LIPG: variants seen among roughly 807,000 people sequenced by gnomAD.
LIPG encodes the protein lipase G, endothelial type, also known as endothelial lipase.
LIPG carries 34 observed loss-of-function variants against 51.8 expected under a neutral mutation model. The ratio of observed to expected loss-of-function variants is 0.66; its 90% CI spans 0.50 to 0.87. The LOEUF is 0.87. Ranked by LOEUF, LIPG falls within the 40% of genes least tolerant of loss-of-function variation. The pLI is 0.00. For missense variants in LIPG, 580 were observed against 652.7 expected (o/e 0.89, Z 1.21); for synonymous variants, 246 against 246.1 (o/e 1.00, Z 0.00).
At chr18:49,562,552 T>C in intron 1 of LIPG, 147 bp downstream of exon 1, 1 of 769,752 alleles carries the variant, frequency 1.3e-6, no homozygotes, top group Non-Finnish European at 2.2e-6. Context: ...CACCTTGGAG[T>C]CCACCTGTCT....
At chr18:49,590,339 C>A in intron 9 of LIPG, 162 bp from the exon 10 acceptor site, 1 of 795,044 alleles carries the variant, frequency 1.3e-6, no homozygotes, top group Non-Finnish European at 2.1e-6. Flanking sequence ...AGGCAGCACT[C>A]GGGACCTTGT....
intron 5 of LIPG, among the ~76,000 whole-genome samples, chr18:49,579,016 G>A (rs1007737311): frequency 0.12 from 3 of 26 alleles, no homozygotes; most frequent in Non-Finnish European, 0.25. Context: ...GAGGGAGAGG[G>A]AGAGGGAGAG....
At chr18:49,573,784 C>T (rs749448710) in intron 4 of LIPG, among the ~76,000 whole-genome samples, 2 of 152,142 alleles carry the variant, frequency 1.3e-5, no homozygotes, top group African/African-American at 4.8e-5. Flanking sequence ...CTGGTGAACA[C>T]GGTCGTTAAC....
rs532454744 is a variant in LIPG at position 49,591,535 on chromosome 18, A to G, written c.*1013A>G. ...TTTAGAGAGATAGAAGTTATGACAT[A>G]TGTAATACACATCTGTGTACACAGA... On this transcript the variant is annotated 3_prime_UTR_variant, in exon 10 of 10. Coordinates refer to ENST00000261292, the MANE Select transcript of LIPG (RefSeq NM_006033.4). The G allele has an allele frequency of 6.6e-6, 1 of 152,268 alleles. No individual in the cohort carries two copies. Among genetic ancestry groups the G allele is most frequent in the African/African-American group, 2.4e-5 (1 of 41,526 alleles). The allele number at this position is 152,268 out of a possible 1,614,324, so 9.4% of individuals were successfully genotyped here.
At chr18:49,567,260 C>T (rs1011229955) in intron 2 of LIPG, among the ~76,000 whole-genome samples, 182 bp from the exon 3 acceptor site, 1 of 151,418 alleles carries the variant, frequency 6.6e-6, no homozygotes, top group Non-Finnish European at 1.5e-5. Context: ...CACCTCAGCT[C>T]AGGAGTTGGA....
At chr18:49,565,628 T>C (rs1230023215) in intron 2 of LIPG, 130 bp downstream of exon 2, 1 of 1,021,988 alleles carries the variant, frequency 9.8e-7, no homozygotes, top group Non-Finnish European at 1.5e-6. Flanking sequence ...GCTGCTTGTA[T>C]TTCAGACAGC....
chr18:49,586,305 G>A (rs2084879252), intron 8 of LIPG, among the ~76,000 whole-genome samples: 1 of 152,164 alleles, frequency 6.6e-6, no homozygotes, highest in South Asian at 2.1e-4. Context: ...TTCACATAGG[G>A]CATAATGTTT....
At chr18:49,586,875 C>T (rs1404121919) in intron 9 of LIPG, 25 bp downstream of exon 9, 1 of 1,519,678 alleles carries the variant, frequency 6.6e-7, no homozygotes, top group Admixed American at 1.7e-5. Context: ...CTCACACGTT[C>T]CACCCAGGAC....
At chr18:49,588,104 T>C (rs1479455367) in intron 9 of LIPG, among the ~76,000 whole-genome samples, 1 of 151,642 alleles carries the variant, frequency 6.6e-6, no homozygotes, top group Non-Finnish European at 1.5e-5. Flanking sequence ...CCATCTTTGA[T>C]TGACATCTTC....
chr18:49,582,079 C>T (rs1273950878), intron 6 of LIPG, among the ~76,000 whole-genome samples: 1 of 152,166 alleles, frequency 6.6e-6, no homozygotes, highest in Non-Finnish European at 1.5e-5. Flanking sequence ...GAAGTTGAGG[C>T]TCAGAGAGGT....
intron 4 of LIPG, 71 bp downstream of exon 4, chr18:49,569,619 C>T (rs2084642794): frequency 1.0e-5 from 12 of 1,180,430 alleles, no homozygotes; most frequent in Non-Finnish European, 1.1e-5. Context: ...AATGAGGCAG[C>T]AGAGTGAGTC....
intron 2 of LIPG, among the ~76,000 whole-genome samples, chr18:49,567,135 A>G (rs1600543690): frequency 6.6e-6 from 1 of 152,110 alleles, no homozygotes; most frequent in African/African-American, 2.4e-5. Flanking sequence ...CCAGGAGTTC[A>G]AGACCAGCCT....
At chr18:49,583,952 G>C (rs965317058) in intron 8 of LIPG, among the ~76,000 whole-genome samples, 178 bp downstream of exon 8, 62 of 152,310 alleles carry the variant, frequency 4.1e-4, no homozygotes, top group African/African-American at 1.4e-3. Flanking sequence ...TATCAAAACT[G>C]TTACGCATCT....
At chr18:49,566,650 C>T (rs1234367655) in intron 2 of LIPG, among the ~76,000 whole-genome samples, 1 of 152,110 alleles carries the variant, frequency 6.6e-6, no homozygotes, top group East Asian at 1.9e-4. Context: ...ACTCTGGGGT[C>T]AAGAGGGATG....
intron 4 of LIPG, among the ~76,000 whole-genome samples, chr18:49,572,853 A>G (rs1261308403): frequency 6.6e-6 from 1 of 152,230 alleles, no homozygotes; most frequent in Non-Finnish European, 1.5e-5. Flanking sequence ...TTGCTGGACA[A>G]AGCAACTTTG....
rs979785904 is a variant in LIPG, at chr18:49,596,761, C to T, written c.*6239C>T. 6.5e-6 allele frequency: 1 copy of T among 152,896 alleles called. No individual in the cohort carries two copies. Among genetic ancestry groups the T allele is most frequent in the African/African-American group, 2.4e-5 (1 of 41,390 alleles). 9.5% of individuals were successfully genotyped at this position (152,896 alleles called of 1,614,324 possible). ...ACATTTCTTTTCTGTCCGCCCTGGT[C>T]CCCTGGTGCCCCCTTTCCTGGCCCC... On this transcript the variant is annotated 3_prime_UTR_variant, in exon 10 of 10. Coordinates refer to ENST00000261292, the MANE Select transcript of LIPG (RefSeq NM_006033.4).
At chr18:49,584,026 G>T (rs560250956) in intron 8 of LIPG, among the ~76,000 whole-genome samples, 1 of 152,174 alleles carries the variant, frequency 6.6e-6, no homozygotes, top group African/African-American at 2.4e-5. Flanking sequence ...TTCAGCCCTG[G>T]CTCTGTTTGC....
At chr18:49,581,299 A>G in intron 5 of LIPG, 116 bp from the exon 6 acceptor site, 1 of 1,428,150 alleles carries the variant, frequency 7.0e-7, no homozygotes, top group South Asian at 1.2e-5. Flanking sequence ...TTACATGAAA[A>G]TACTAACAGC....
At chr18:49,586,182 C>G (rs890259760) in intron 8 of LIPG, among the ~76,000 whole-genome samples, 2 of 152,178 alleles carry the variant, frequency 1.3e-5, no homozygotes, top group African/African-American at 2.4e-5. Context: ...TGACTTGCAG[C>G]TGAGTTGCAG....
Sources: allele counts gnomAD v4.1 joint callset (sites outside exome capture counted in the v4.1 genomes callset), GRCh38; gene constraint gnomAD v4.1.1; transcripts MANE v1.5; gene names NCBI Gene and HGNC (gene_info 2026-07-23, HGNC 2026-07-21).